Variants in STARD9 observed in about 807,000 individuals in gnomAD.
STARD9 encodes StAR related lipid transfer domain containing 9.
Under a neutral mutation model 399.8 loss-of-function variants are expected in STARD9, and 346 were observed. The observed-to-expected ratio is 0.87, with a 90% CI of 0.79 to 0.95. The LOEUF (loss-of-function observed/expected upper bound fraction) is 0.95. STARD9 is among the 40% of genes least tolerant of loss of function. The pLI, the probability that STARD9 is intolerant of heterozygous loss-of-function variation, is 0.00. For synonymous variants in STARD9, 2,203 were observed against 2,143.5 expected (o/e 1.03, Z -0.77); for missense variants, 5,832 against 5,667.5 (o/e 1.03, Z -0.93).
intron 3 of STARD9, among the ~76,000 whole-genome samples, chr15:42,615,632 A>G (rs2058947665): frequency 6.6e-6 from 1 of 151,808 alleles, no homozygotes; most frequent in South Asian, 2.1e-4. Context: ...GGGAGGAACA[A>G]GAAAGGATGC....
chr15:42,712,064 T>TTA lies in STARD9; in HGVS notation c.13285-4597_13285-4596dup, dbSNP rs1555410908. Among the ~76,000 whole-genome samples the TTA allele has an allele frequency of 7.6e-4, 37 of 48,778 alleles. 1 individual carries two copies. The highest frequency in any genetic ancestry group is 6.6e-3 in the Middle Eastern group (1 of 152). The allele number at this position is 48,778 out of a possible 152,430, so 32.0% of individuals were successfully genotyped here. A position where few individuals can be genotyped will look rare whatever the true frequency, so the allele number is the denominator to read the frequency against. Reference sequence around the variant, plus strand: ...ATGGCTAATGGTGTTGAGCATCTTTTTATATATATATATATATTATATATA... The same window carrying TTA: ...ATGGCTAATGGTGTTGAGCATCTTTTTATATATATATATATATATTATATATA... On this transcript the variant is annotated intron_variant, in intron 26 of 32. Coordinates refer to ENST00000290607, the MANE Select transcript of STARD9 (RefSeq NM_020759.3).
chr15:42,612,718 C>T (rs932959107), intron 3 of STARD9, among the ~76,000 whole-genome samples: 2 of 152,130 alleles, frequency 1.3e-5, no homozygotes, highest in Non-Finnish European at 2.9e-5. Context: ...GTTGCAGTGG[C>T]GCATGCCCAT....
chr15:42,703,773 CTTT>C (rs2061019338), intron 26 of STARD9, among the ~76,000 whole-genome samples: 1 of 151,890 alleles, frequency 6.6e-6, no homozygotes, highest in Admixed American at 6.6e-5. Flanking sequence ...AATATCCTGT[CTTT>C]GAGCTCACAG....
chr15:42,636,776 A>G (rs1214239662), intron 4 of STARD9, among the ~76,000 whole-genome samples: 2 of 152,174 alleles, frequency 1.3e-5, no homozygotes, highest in Non-Finnish European at 2.9e-5. Context: ...CATTAAAAGA[A>G]GAATTGGGGC....
chr15:42,622,886 G>T (rs191282954), intron 3 of STARD9, among the ~76,000 whole-genome samples: 1 of 152,248 alleles, frequency 6.6e-6, no homozygotes, highest in Non-Finnish European at 1.5e-5. Flanking sequence ...CCTTTATCTG[G>T]GGACATTATG....
Position 42,693,428 on chromosome 15 carries a change from T to C in STARD9, c.11850T>C (p.Asn3950=). The C allele has an allele frequency of 6.5e-7, 1 of 1,537,196 alleles. No individual in the cohort carries two copies. The highest frequency in any genetic ancestry group is 2.0e-5 in the Admixed American group (1 of 50,998). Reference sequence around the variant, plus strand: ...ATGCCCCAAGGACTCCAATGGATAATTATTCCCAAACCACTGACGAGTTAG... The same window carrying C: ...ATGCCCCAAGGACTCCAATGGATAACTATTCCCAAACCACTGACGAGTTAG... The part of the protein sequence containing the change: ...PVDAPRTPMD[N]YSQTTDELGG... Residue 3950 remains asparagine (N), a synonymous_variant, in exon 23 of 33, where the codon AAT becomes AAC. Coordinates refer to ENST00000290607, the MANE Select transcript of STARD9 (RefSeq NM_020759.3).
In STARD9 at chr15:42,688,849, TA is replaced by T; in HGVS notation, c.7272del (p.Pro2425GlnfsTer50). ...MAMGSHSQSG[V>X]PESIPLGTED... ...ATGGGATCTCATAGTCAATCTGGTGTACCAGAGAGCATTCCTCTGGGGACAG... is the reference window on the plus strand; with the variant it reads ...ATGGGATCTCATAGTCAATCTGGTGTCCAGAGAGCATTCCTCTGGGGACAG... On this transcript the variant is annotated frameshift_variant, in exon 23 of 33. Transcript: ENST00000290607. LOFTEE classifies it high-confidence loss of function. 6.5e-7 allele frequency: 1 copy of T among 1,537,100 alleles called. No homozygotes were observed. The highest frequency in any genetic ancestry group is 8.7e-7 in the Non-Finnish European group (1 of 1,146,778).
At position 42,717,959 on chromosome 15, in the gene STARD9, C is replaced by T. The variant is rs558246757; in HGVS notation, c.13560-18C>T. 3.3e-5 allele frequency: 51 copies of T among 1,536,406 alleles called. No individual in the cohort carries two copies. The South Asian group carries it at 5.9e-4, about 18-fold the overall frequency. On this transcript the variant is annotated intron_variant, in intron 29 of 32. Coordinates refer to ENST00000290607, the MANE Select transcript of STARD9 (RefSeq NM_020759.3). ...TTTTGACCCCTTTCTATTTTCTGTG[C>T]TTGGTGTCTCCCCCCAGCTATCAGG...
intron 15 of STARD9, 146 bp downstream of exon 15, chr15:42,665,994 C>A (rs756495934): frequency 3.3e-5 from 23 of 706,888 alleles, no homozygotes; most frequent in Admixed American, 1.6e-4. Context: ...AAGCCTTGAC[C>A]GGGGGATGTG....
Position 42,575,774 on chromosome 15 carries a change from C to A in STARD9, c.47+12C>A. 1.3e-6 allele frequency: 2 copies of A among 1,536,820 alleles called. No individual in the cohort carries two copies. The highest frequency in any genetic ancestry group is 1.7e-6 in the Non-Finnish European group (2 of 1,146,668). On this transcript the variant is annotated intron_variant, in intron 1 of 32. Transcript: ENST00000290607. ...CCGCTCAGCAAGAGGTGAGTCTCCG[C>A]GGGAGAGGGCGCCTGAGGCTTCACA...
intron 26 of STARD9, among the ~76,000 whole-genome samples, chr15:42,713,189 G>A (rs1404818382): frequency 6.6e-6 from 1 of 152,126 alleles, no homozygotes; most frequent in African/African-American, 2.4e-5. Context: ...TTTTATTCCT[G>A]TTGACAGTAT....
intron 7 of STARD9, among the ~76,000 whole-genome samples, chr15:42,647,000 T>C (rs1013997655): frequency 5.9e-5 from 9 of 152,190 alleles, no homozygotes; most frequent in Non-Finnish European, 1.0e-4. Flanking sequence ...TCAGAACATA[T>C]ACATTTATCA....
chr15:42,606,570 C>G (rs535841579), intron 3 of STARD9, among the ~76,000 whole-genome samples: 1 of 151,888 alleles, frequency 6.6e-6, no homozygotes, highest in African/African-American at 2.4e-5. Flanking sequence ...ACCTTCCCAC[C>G]TCAGCCTCCC....
chr15:42,665,717 G>T (rs2060087280), intron 14 of STARD9, 69 bp from the exon 15 acceptor site: 2 of 1,268,124 alleles, frequency 1.6e-6, no homozygotes, highest in African/African-American at 3.0e-5. Flanking sequence ...TCCTCCACAA[G>T]TGTAAGGGTG....
intron 3 of STARD9, among the ~76,000 whole-genome samples, chr15:42,603,722 G>A (rs541894009): frequency 6.6e-6 from 1 of 152,184 alleles, no homozygotes; most frequent in Admixed American, 6.5e-5. Context: ...AATCATAGGG[G>A]GTCAAAGCTT....
chr15:42,654,925 C>T (rs1015455182), intron 9 of STARD9, among the ~76,000 whole-genome samples: 1 of 152,248 alleles, frequency 6.6e-6, no homozygotes, highest in East Asian at 1.9e-4. Flanking sequence ...CTAGAAAAGA[C>T]AGTCCTAAAA....
At chr15:42,627,161 G>A (rs1190290004) in intron 3 of STARD9, among the ~76,000 whole-genome samples, 1 of 152,020 alleles carries the variant, frequency 6.6e-6, no homozygotes, top group African/African-American at 2.4e-5. Context: ...CTGGGCATGG[G>A]GACATGTGCC....
intron 24 of STARD9, 96 bp from the exon 25 acceptor site, chr15:42,695,044 T>G: frequency 9.4e-7 from 1 of 1,059,126 alleles, no homozygotes; most frequent in South Asian, 1.7e-5. Context: ...AGGTTGGGTC[T>G]TTTAAGAAGG....
In STARD9 at chr15:42,684,894, A is replaced by G; in HGVS notation, c.3316A>G (p.Asn1106Asp). The change falls in exon 23 of 33, where the codon AAC (asparagine) becomes GAC (aspartate). Residue 1106 changes from asparagine (N) to aspartate (D), a missense_variant. Around this residue, in one of 2 missense-constraint regions of STARD9, gnomAD observed 5,828 missense variants for 5,651.1 expected, o/e 1.03. Transcript: ENST00000290607. ...CAATGATTTATCTGACACAGATAGCAACTACTCATTGGATTCTCTCTCATG... is the reference window on the plus strand; with the variant it reads ...CAATGATTTATCTGACACAGATAGCGACTACTCATTGGATTCTCTCTCATG... ...KDNDLSDTDS[N>D]YSLDSLSCVY... 6.5e-7 allele frequency: 1 copy of G among 1,537,102 alleles called. No homozygotes were observed. Among genetic ancestry groups the G allele is most frequent in the Non-Finnish European group, 8.7e-7 (1 of 1,146,908 alleles).
Sources: gnomAD v4.1 joint callset for allele counts (sites outside exome capture counted in the v4.1 genomes callset) on GRCh38, gnomAD v4.1.1 for gene constraint, gnomAD v4.1.1 regional missense constraint, MANE v1.5 for transcripts, NCBI Gene and HGNC (gene_info 2026-07-23, HGNC 2026-07-21) for gene names.